The following L3MBTL4 variants were observed in gnomAD, a reference collection of about 807,000 sequenced individuals.
L3MBTL4 encodes L3MBTL histone methyl-lysine binding protein 4, also known as lethal(3)malignant brain tumor-like protein 4.
In L3MBTL4, 70 loss-of-function variants were observed where a neutral mutation model predicts 84.5. That is an observed-to-expected ratio of 0.83 (90% confidence interval 0.68 to 1.01). L3MBTL4 has a LOEUF of 1.01. Ranked by LOEUF, L3MBTL4 falls within the 50% of genes least tolerant of loss-of-function variation. The probability of loss-of-function intolerance (pLI) is 0.00; values close to 1 mark genes in which losing one functional copy is unlikely to be tolerated. For missense variants in L3MBTL4, 715 were observed against 754.8 expected (o/e 0.95, Z 0.62); for synonymous variants, 274 against 259.8 (o/e 1.05, Z -0.52).
intron 16 of L3MBTL4, among the ~76,000 whole-genome samples, chr18:6,021,472 A>C (rs2145501792): frequency 6.6e-6 from 1 of 152,326 alleles, no homozygotes; most frequent in Non-Finnish European, 1.5e-5. Context: ...TAAGACCATG[A>C]GTCACTCATT....
intron 16 of L3MBTL4, among the ~76,000 whole-genome samples, chr18:5,995,004 T>C (rs2053886276): frequency 6.6e-6 from 1 of 152,240 alleles, no homozygotes; most frequent in African/African-American, 2.4e-5. Context: ...GACTTTATAA[T>C]TACTAGAAGA....
At chr18:6,343,345 CA>C (rs2052704585) in intron 1 of L3MBTL4, among the ~76,000 whole-genome samples, 1 of 152,158 alleles carries the variant, frequency 6.6e-6, no homozygotes, top group Non-Finnish European at 1.5e-5. Context: ...TGTTAGGACA[CA>C]AGACAAGTCT....
At chr18:6,006,195 GC>G (rs1199113979) in intron 16 of L3MBTL4, among the ~76,000 whole-genome samples, 1 of 152,186 alleles carries the variant, frequency 6.6e-6, no homozygotes, top group African/African-American at 2.4e-5. Flanking sequence ...TAGAGGGGAA[GC>G]CCTGCAGCAA....
chr18:6,042,807 T>C (rs969832861), intron 16 of L3MBTL4, among the ~76,000 whole-genome samples: 4 of 152,196 alleles, frequency 2.6e-5, no homozygotes, highest in African/African-American at 7.2e-5. Flanking sequence ...CTGCCACCTC[T>C]GTGCACACTA....
chr18:6,030,580 C>T (rs1320356421), intron 16 of L3MBTL4: 10 of 758,782 alleles, frequency 1.3e-5, no homozygotes, highest in Admixed American at 1.3e-4. Context: ...CAGCTCACTG[C>T]CTCCACCTCC....
chr18:6,379,311 C>G (rs532295615), intron 1 of L3MBTL4, among the ~76,000 whole-genome samples: 1 of 152,266 alleles, frequency 6.6e-6, no homozygotes, highest in Admixed American at 6.5e-5. Context: ...GCCTTTATTT[C>G]TTTCTCTTTC....
At chr18:6,050,659 C>T (rs958783356) in intron 16 of L3MBTL4, among the ~76,000 whole-genome samples, 14 of 151,978 alleles carry the variant, frequency 9.2e-5, no homozygotes, top group Non-Finnish European at 1.8e-4. Flanking sequence ...AATTCAGTAG[C>T]TCCATGGGCT....
chr18:6,002,072 A>G (rs1393928872), intron 16 of L3MBTL4, among the ~76,000 whole-genome samples: 3 of 152,212 alleles, frequency 2.0e-5, no homozygotes, highest in Non-Finnish European at 4.4e-5. Context: ...TCATTACAGG[A>G]ATCTTCAAGA....
At chr18:6,346,766 G>A (rs2052925806) in intron 1 of L3MBTL4, among the ~76,000 whole-genome samples, 1 of 152,006 alleles carries the variant, frequency 6.6e-6, no homozygotes, top group Non-Finnish European at 1.5e-5. Context: ...AAAGCAGCAT[G>A]GCTACTCCTC....
intron 4 of L3MBTL4, among the ~76,000 whole-genome samples, chr18:6,298,760 G>A (rs1198679775): frequency 6.6e-6 from 1 of 152,106 alleles, no homozygotes; most frequent in Non-Finnish European, 1.5e-5. Flanking sequence ...TGTAATCCCA[G>A]TTACTCGGGA....
intron 12 of L3MBTL4, among the ~76,000 whole-genome samples, chr18:6,182,658 C>G (rs900712883): frequency 3.9e-5 from 6 of 152,124 alleles, no homozygotes; most frequent in Non-Finnish European, 8.8e-5. Flanking sequence ...TCTTCCAGGA[C>G]TTTTGTAGTT....
intron 16 of L3MBTL4, among the ~76,000 whole-genome samples, chr18:6,069,742 G>A (rs1417658220): frequency 6.6e-6 from 1 of 152,136 alleles, no homozygotes; most frequent in Non-Finnish European, 1.5e-5. Context: ...AGTTGGCGAG[G>A]CTGATATCAC....
At chr18:6,384,302 C>G (rs1389613770) in intron 1 of L3MBTL4, among the ~76,000 whole-genome samples, 1 of 152,072 alleles carries the variant, frequency 6.6e-6, no homozygotes, top group East Asian at 1.9e-4. Context: ...TACACACACA[C>G]AAACCATACA....
chr18:6,213,071 G>A, intron 12 of L3MBTL4, 78 bp downstream of exon 12: 3 of 747,740 alleles, frequency 4.0e-6, no homozygotes, highest in Non-Finnish European at 6.4e-6. Flanking sequence ...GAAAGGTTCA[G>A]AGAATGGGAG....
intron 14 of L3MBTL4, among the ~76,000 whole-genome samples, chr18:6,129,227 C>G (rs964012130): frequency 1.3e-5 from 2 of 152,116 alleles, no homozygotes; most frequent in East Asian, 3.9e-4. Flanking sequence ...GAAGGGGTGT[C>G]TTAAGTCTCA....
At chr18:6,088,558 GGAGT>G (rs67057174) in intron 15 of L3MBTL4, among the ~76,000 whole-genome samples, 34,601 of 151,814 alleles carry the variant, frequency 0.23, 4,238 homozygotes, top group African/African-American at 0.34. Context: ...GCGATGATGG[GGAGT>G]GAGTGGGGCC....
At chr18:6,376,120 C>T (rs1308114433) in intron 1 of L3MBTL4, among the ~76,000 whole-genome samples, 2 of 152,176 alleles carry the variant, frequency 1.3e-5, no homozygotes, top group Non-Finnish European at 2.9e-5. Flanking sequence ...CTGCTTTCTC[C>T]CTGCTCGCCT....
chr18:6,054,278 A>G (rs2056936488), intron 16 of L3MBTL4, among the ~76,000 whole-genome samples: 1 of 152,048 alleles, frequency 6.6e-6, no homozygotes. Flanking sequence ...CAGAGTGCCC[A>G]CCGGCTCGCA....
chr18:6,080,873 G>C lies in L3MBTL4; in HGVS notation c.1444+8C>G. ...TATTCTGTGTTTTGCTAGTGTTTTT[G>C]TTTTTACCTCTGAAGAGATTATCCA... On this transcript the variant is annotated splice_region_variant and intron_variant, in intron 16 of 18. Coordinates refer to ENST00000317931, the MANE Select transcript of L3MBTL4 (RefSeq NM_001330559.2). 2 of 1,585,684 alleles carry C rather than the reference G, an allele frequency of 1.3e-6. No homozygotes were observed. Among genetic ancestry groups the C allele is most frequent in the Non-Finnish European group, 1.7e-6 (2 of 1,160,694 alleles).
Sources: gnomAD v4.1 joint callset for allele counts (sites outside exome capture counted in the v4.1 genomes callset) on GRCh38, gnomAD v4.1.1 for gene constraint, MANE v1.5 for transcripts, NCBI Gene and HGNC (gene_info 2026-07-23, HGNC 2026-07-21) for gene names.